Variants in MAVS observed in about 807,000 individuals in gnomAD.
MAVS encodes the protein mitochondrial antiviral signaling protein.
In MAVS, 20 loss-of-function variants were observed where a neutral mutation model predicts 30.2. That is an observed-to-expected ratio of 0.66 (90% CI 0.47 to 0.96). The LOEUF (loss-of-function observed/expected upper bound fraction) is 0.96, where lower values mean the gene tolerates loss of function less well. MAVS is among the 40% of genes least tolerant of loss of function. The pLI is 0.00. For synonymous variants in MAVS, 278 were observed against 293.9 expected, an observed-to-expected ratio of 0.95 and a Z score of 0.55; for missense variants, 624 against 701.1, an observed-to-expected ratio of 0.89 and a Z score of 1.24.
At chr20:3,857,206 A>C (rs1308302686) in intron 2 of MAVS, among the ~76,000 whole-genome samples, 1 of 151,856 alleles carries the variant, frequency 6.6e-6, no homozygotes, top group Non-Finnish European at 1.5e-5. Flanking sequence ...TCCTAATCCA[A>C]ACCTTTCTTT....
At chr20:3,854,280 G>T (rs1055058195) in intron 1 of MAVS, among the ~76,000 whole-genome samples, 9 of 151,736 alleles carry the variant, frequency 5.9e-5, no homozygotes, top group Admixed American at 6.6e-5. Flanking sequence ...AATTAGCTGG[G>T]CATGGTGGTG....
At position 3,848,701 on chromosome 20, in the gene MAVS, T is replaced by C. The variant is rs562051702; in HGVS notation, c.-68+1798T>C. Among the ~76,000 whole-genome samples the C allele has an allele frequency of 7.1e-4, 108 of 152,304 alleles. 2 individuals are homozygous for C. In the South Asian group the frequency reaches 0.021, roughly 30 times the overall value. Reference sequence around the variant, plus strand: ...GCCTGATGCCCACTTGGTCCTCTCCTGCCTCCTTCCCTCCCTGACAACCCA... The same window carrying C: ...GCCTGATGCCCACTTGGTCCTCTCCCGCCTCCTTCCCTCCCTGACAACCCA... On this transcript the variant is annotated intron_variant, in intron 1 of 6. Coordinates refer to ENST00000428216, the MANE Select transcript of MAVS (RefSeq NM_020746.5).
At chr20:3,860,858 G>T (rs2089860603) in intron 3 of MAVS, among the ~76,000 whole-genome samples, 1 of 151,652 alleles carries the variant, frequency 6.6e-6, no homozygotes, top group Non-Finnish European at 1.5e-5. Context: ...TGTATTTTTA[G>T]TAGAGACGGG....
At chr20:3,849,315 T>G (rs996947239) in intron 1 of MAVS, among the ~76,000 whole-genome samples, 1 of 151,928 alleles carries the variant, frequency 6.6e-6, no homozygotes, top group African/African-American at 2.4e-5. Context: ...GTTCAAGCGA[T>G]TCTCCTGCCT....
At chr20:3,862,512 T>G (rs1035703691) in intron 5 of MAVS, 99 bp downstream of exon 5, 15 of 1,340,492 alleles carry the variant, frequency 1.1e-5, no homozygotes, top group Non-Finnish European at 1.4e-5. Context: ...GGAGACAAGG[T>G]GGGAATAAAG....
In MAVS at chr20:3,865,266, C is replaced by T. The variant is rs113405946; in HGVS notation, c.1159-417C>T. 4.9e-4 allele frequency among the ~76,000 whole-genome samples: 75 copies of T among 152,244 alleles called. No homozygotes were observed. Among genetic ancestry groups the T allele is most frequent in the Non-Finnish European group, 9.0e-4 (61 of 68,026 alleles). On this transcript the variant is annotated intron_variant, in intron 6 of 6. Transcript: ENST00000428216. This position sits in a 1 kb window ranked among gnomAD's most constrained non-coding sequence, Gnocchi z 4.7. ...CCCAGCAGCCCCCCATTGTTGCCTG[C>T]TCCAAGCCTCACATCTAACCCTAGC...
Position 3,866,128 on chromosome 20 carries a change from A to G in MAVS, c.1604A>G (p.Tyr535Cys), listed in dbSNP as rs751041178. Reference sequence around the variant, plus strand: ...GTAGTCACACTCCTGGTGGTGCTGTACCGGCGGCGTCTGCACTAGTGAAGC... The same window carrying G: ...GTAGTCACACTCCTGGTGGTGCTGTGCCGGCGGCGTCTGCACTAGTGAAGC... ...VLVVTLLVVL[Y>C]RRRLH Residue 535 changes from tyrosine to cysteine, a missense_variant, in exon 7 of 7, where the codon TAC becomes TGC. By Grantham distance (194) the Tyr-to-Cys change is radical. Coordinates refer to ENST00000428216, the MANE Select transcript of MAVS (RefSeq NM_020746.5). The G allele has an allele frequency of 6.3e-7, 1 of 1,595,226 alleles. No individual in the cohort carries two copies. Among genetic ancestry groups the G allele is most frequent in the Non-Finnish European group, 8.5e-7 (1 of 1,172,388 alleles).
At chr20:3,859,326 T>C (rs1246543978) in intron 3 of MAVS, among the ~76,000 whole-genome samples, 7 of 151,684 alleles carry the variant, frequency 4.6e-5, no homozygotes, top group Non-Finnish European at 1.0e-4. Flanking sequence ...GCCAATATGG[T>C]GAAACCCTGT....
Position 3,864,583 on chromosome 20 carries a change from C to G in MAVS, c.953C>G (p.Ser318Cys). Residue 318 changes from serine (S) to cysteine (C), a missense_variant, in exon 6 of 7, where the codon TCT becomes TGT. Ser to Cys is a moderately radical substitution (Grantham distance 112). Coordinates refer to ENST00000428216, the MANE Select transcript of MAVS (RefSeq NM_020746.5). Reference sequence around the variant, plus strand: ...CTGAAAGTGCCTGCCAACCCAGCATCTGTCAGCACAGTGCCCTCCAAGTTG... The same window carrying G: ...CTGAAAGTGCCTGCCAACCCAGCATGTGTCAGCACAGTGCCCTCCAAGTTG... The part of the protein sequence containing the change: ...VALKVPANPA[S>C]VSTVPSKLPT... 6.2e-7 allele frequency: 1 copy of G among 1,614,218 alleles called. No individual in the cohort carries two copies. Among genetic ancestry groups the G allele is most frequent in the Non-Finnish European group, 8.5e-7 (1 of 1,180,042 alleles).
At position 3,857,822 on chromosome 20, in the gene MAVS, C is replaced by T. The variant is rs751985044; in HGVS notation, c.292+13C>T. 9.3e-6 allele frequency: 15 copies of T among 1,614,004 alleles called. No individual in the cohort carries two copies. The South Asian group carries it at 1.2e-4, about 13-fold the overall frequency. ...AGCTACCAGCCTCGTGAGCGTCCTG[C>T]CCTTGCCCTCCTGGACCCCCAGCCT... On this transcript the variant is annotated intron_variant, in intron 3 of 6. Coordinates refer to ENST00000428216, the MANE Select transcript of MAVS (RefSeq NM_020746.5).
intron 1 of MAVS, among the ~76,000 whole-genome samples, chr20:3,851,807 T>TA (rs2089762315): frequency 6.6e-6 from 1 of 151,598 alleles, no homozygotes; most frequent in African/African-American, 2.4e-5. Flanking sequence ...AATACAAAAT[T>TA]AACCAGGTGT....
intron 1 of MAVS, among the ~76,000 whole-genome samples, chr20:3,849,464 C>G (rs900351097): frequency 6.6e-6 from 1 of 152,224 alleles, no homozygotes; most frequent in Non-Finnish European, 1.5e-5. Flanking sequence ...CTAGGCCTCC[C>G]AAAGTGCTGG....
At chr20:3,847,896 G>T (rs1056343285) in intron 1 of MAVS, among the ~76,000 whole-genome samples, 21 of 152,170 alleles carry the variant, frequency 1.4e-4, no homozygotes, top group African/African-American at 5.1e-4. Flanking sequence ...TCACGGGATT[G>T]GGGAAGGATT....
At chr20:3,861,768 T>A (rs1229011948) in intron 4 of MAVS, among the ~76,000 whole-genome samples, 11 of 151,822 alleles carry the variant, frequency 7.2e-5, no homozygotes, top group Admixed American at 1.3e-4. Flanking sequence ...TGTGTGTGTG[T>A]GACAGTGTCT....
rs908994491 is a variant in MAVS, at chr20:3,865,527, C to T, written c.1159-156C>T. ...TGCAGATTCTTGGTCCCCTCTACCC[C>T]CACTGCTCCAAGAAAAGGTGGCCTA... is the stretch of plus-strand genomic sequence containing the variant. On this transcript the variant is annotated intron_variant, in intron 6 of 6. Coordinates refer to ENST00000428216, the MANE Select transcript of MAVS (RefSeq NM_020746.5). This position sits in a 1 kb window ranked among gnomAD's most constrained non-coding sequence, Gnocchi z 4.7. 6.6e-6 allele frequency among the ~76,000 whole-genome samples: 1 copy of T among 152,318 alleles called. No individual in the cohort carries two copies. The highest frequency in any genetic ancestry group is 2.1e-4 in the South Asian group (1 of 4,826).
rs114546022 is a variant in MAVS at position 3,850,322 on chromosome 20, C to T, written c.-68+3419C>T. Among the ~76,000 whole-genome samples the T allele has an allele frequency of 8.7e-3, 1,273 of 146,064 alleles. 20 individuals carry two copies. Among genetic ancestry groups the T allele is most frequent in the African/African-American group, 0.031 (1,213 of 39,134 alleles). ...AAAGAAATTTTTTTAAGCTGCTGGGCGCGGTGGCTCACGCCTGTAAATCTC... is the reference window on the plus strand; with the variant it reads ...AAAGAAATTTTTTTAAGCTGCTGGGTGCGGTGGCTCACGCCTGTAAATCTC... On this transcript the variant is annotated intron_variant, in intron 1 of 6. Coordinates refer to ENST00000428216, the MANE Select transcript of MAVS (RefSeq NM_020746.5).
Position 3,866,079 on chromosome 20 carries a change from C to T in MAVS, c.1555C>T (p.Gln519Ter). Residue 519 changes from glutamine (Q) to a stop codon, truncating the protein, a stop_gained, in exon 7 of 7, where the codon CAG (glutamine) becomes TAG (stop). Coordinates refer to ENST00000428216, the MANE Select transcript of MAVS (RefSeq NM_020746.5). LOFTEE classifies it low-confidence loss of function (END_TRUNC). The stretch of plus-strand genomic sequence containing the variant: ...GCCCTCACCTGGGGCTCTGTGGCTC[C>T]AGGTGGCTGTGACAGGGGTGCTGGT... ...HRPSPGALWL[Q>*]VAVTGVLVVT... The T allele has an allele frequency of 6.2e-7, 1 of 1,611,162 alleles. No homozygotes were observed. The highest frequency in any genetic ancestry group is 8.5e-7 in the Non-Finnish European group (1 of 1,179,490).
intron 5 of MAVS, among the ~76,000 whole-genome samples, chr20:3,863,453 G>A (rs2089881674): frequency 6.6e-6 from 1 of 152,184 alleles, no homozygotes; most frequent in African/African-American, 2.4e-5. Flanking sequence ...TGTCTGCTTT[G>A]CAGTGTCACC....
intron 5 of MAVS, among the ~76,000 whole-genome samples, chr20:3,863,982 G>C (rs2089885670): frequency 6.6e-6 from 1 of 152,174 alleles, no homozygotes; most frequent in African/African-American, 2.4e-5. Context: ...AAAAAGCGGA[G>C]AGAATAATTA....
Sources: allele counts gnomAD v4.1 joint callset (sites outside exome capture counted in the v4.1 genomes callset), GRCh38; gene constraint gnomAD v4.1.1; non-coding constraint Gnocchi (gnomAD v3.1); transcripts MANE v1.5; gene names NCBI Gene and HGNC (gene_info 2026-07-23, HGNC 2026-07-21).